Variants in CFAP299 observed in about 807,000 individuals in gnomAD.
The protein encoded by CFAP299 is cilia- and flagella-associated protein 299.
Under a neutral mutation model 27.0 loss-of-function variants are expected in CFAP299, and 21 were observed. The observed-to-expected ratio is 0.78, with a 90% CI of 0.55 to 1.12. The LOEUF is 1.12. Ranked by LOEUF, CFAP299 falls within the 50% of genes most tolerant of loss-of-function variation. The pLI is 0.00. For missense variants in CFAP299, 310 were observed against 276.6 expected (o/e 1.12, Z -0.86); for synonymous variants, 104 against 98.1 (o/e 1.06, Z -0.36).
chr4:80,871,374 A>G, intron 4 of CFAP299: 1 of 985,410 alleles, frequency 1.0e-6, no homozygotes, highest in Non-Finnish European at 1.2e-6. Context: ...TTTTCACTGC[A>G]CTTGTAGCTA....
At chr4:80,692,026 T>C (rs1720741127) in intron 3 of CFAP299, among the ~76,000 whole-genome samples, 1 of 152,064 alleles carries the variant, frequency 6.6e-6, no homozygotes, top group Non-Finnish European at 1.5e-5. Flanking sequence ...TACAAACCAC[T>C]GCTCAAGGAA....
chr4:80,483,868 G>C (rs1036851756), intron 2 of CFAP299, among the ~76,000 whole-genome samples: 1 of 151,954 alleles, frequency 6.6e-6, no homozygotes, highest in African/African-American at 2.4e-5. Context: ...TTAAACTTTC[G>C]AATTGCTATT....
chr4:80,485,310 A>C (rs1330801729), intron 2 of CFAP299, among the ~76,000 whole-genome samples: 3 of 150,780 alleles, frequency 2.0e-5, no homozygotes, highest in Non-Finnish European at 4.4e-5. Flanking sequence ...ATAAAAGAAG[A>C]AGCAATCAGA....
At chr4:80,692,354 T>C (rs1344642809) in intron 3 of CFAP299, among the ~76,000 whole-genome samples, 1 of 151,576 alleles carries the variant, frequency 6.6e-6, no homozygotes, top group South Asian at 2.1e-4. Context: ...GAGATATAGA[T>C]CAATGGAACA....
chr4:80,778,471 G>T (rs982246416), intron 3 of CFAP299, among the ~76,000 whole-genome samples: 1 of 152,068 alleles, frequency 6.6e-6, no homozygotes, highest in Non-Finnish European at 1.5e-5. Context: ...TGGAATTTTA[G>T]AATCTTTCCT....
intron 2 of CFAP299, among the ~76,000 whole-genome samples, chr4:80,522,108 T>C (rs1732947540): frequency 6.6e-6 from 1 of 152,078 alleles, no homozygotes; most frequent in Admixed American, 6.6e-5. Flanking sequence ...GTTCCAAGTA[T>C]TCTACGTCTT....
At position 80,734,097 on chromosome 4, in the gene CFAP299, G is replaced by T. The variant is rs1252613956; in HGVS notation, c.334-135896G>T. On this transcript the variant is annotated intron_variant, in intron 3 of 5. Coordinates refer to ENST00000358105, the MANE Select transcript of CFAP299 (RefSeq NM_152770.3). ...ATATTCCCACCAACAGTGGATGAGG[G>T]TTTCCTTTTCTCCACATCCTCACCA... Among the ~76,000 whole-genome samples the T allele has an allele frequency of 3.9e-5, 6 of 152,220 alleles. No homozygotes were observed. The East Asian group carries it at 1.2e-3, about 29-fold the overall frequency.
chr4:80,522,476 C>T (rs1732971651), intron 2 of CFAP299, among the ~76,000 whole-genome samples: 2 of 152,098 alleles, frequency 1.3e-5, no homozygotes, highest in Middle Eastern at 3.4e-3. Flanking sequence ...GTTGATGGTT[C>T]CCTTGGCTGC....
intron 2 of CFAP299, chr4:80,388,504 G>A (rs1725150378): frequency 7.1e-7 from 1 of 1,411,802 alleles, no homozygotes; most frequent in South Asian, 1.2e-5. Flanking sequence ...GTTCCCGCTT[G>A]TGGGTCATAA....
At chr4:80,341,001 C>T (rs551400316) in intron 1 of CFAP299, among the ~76,000 whole-genome samples, 25 of 152,238 alleles carry the variant, frequency 1.6e-4, no homozygotes, top group Admixed American at 1.5e-3. Flanking sequence ...GTCTTGAACT[C>T]CTGACCTCAG....
chr4:80,783,368 TG>T lies in CFAP299; in HGVS notation c.334-86620del, dbSNP rs571577720. 2.6e-3 allele frequency among the ~76,000 whole-genome samples: 390 copies of T among 152,228 alleles called. 1 individual carries two copies. Among genetic ancestry groups the T allele is most frequent in the African/African-American group, 9.1e-3 (376 of 41,540 alleles). On this transcript the variant is annotated intron_variant, in intron 3 of 5. Transcript: ENST00000358105. ...AGGCAGGGACCATTGGGGGCCATTT[TG>T]GGGGCTGGCTACCATACGAGGCACC...
intron 4 of CFAP299, among the ~76,000 whole-genome samples, chr4:80,922,948 AAGAG>A (rs1390596423): frequency 6.6e-6 from 1 of 151,590 alleles, no homozygotes; most frequent in African/African-American, 2.4e-5. Flanking sequence ...ATATATTTGA[AAGAG>A]AGAATGATAA....
chr4:80,883,181 A>C (rs1733797683), intron 4 of CFAP299, among the ~76,000 whole-genome samples: 1 of 152,168 alleles, frequency 6.6e-6, no homozygotes, highest in Non-Finnish European at 1.5e-5. Context: ...AAAAGTTGAG[A>C]GTTTTTGTAT....
intron 4 of CFAP299, among the ~76,000 whole-genome samples, chr4:80,880,753 A>AAAATAAAATT (rs1553902766): frequency 2.7e-5 from 4 of 147,992 alleles, no homozygotes; most frequent in African/African-American, 9.9e-5. Flanking sequence ...AAAATAAAAT[A>AAAATAAAATT]AAATTAAATT....
chr4:80,855,802 A>C (rs549587859), intron 3 of CFAP299, among the ~76,000 whole-genome samples: 31 of 152,142 alleles, frequency 2.0e-4, no homozygotes, highest in Middle Eastern at 3.4e-3. Context: ...AATCCAGTCT[A>C]TCATTGTTGG....
At position 80,837,870 on chromosome 4, in the gene CFAP299, A is replaced by T. The variant is rs553806210; in HGVS notation, c.334-32123A>T. The stretch of plus-strand genomic sequence containing the variant: ...TCCTGTCTTCCACAATGGTTAAACT[A>T]ATTTACACTCCCACCAACAGTGTAA... On this transcript the variant is annotated intron_variant, in intron 3 of 5. Transcript: ENST00000358105. 2.3e-4 allele frequency among the ~76,000 whole-genome samples: 35 copies of T among 152,308 alleles called. No individual in the cohort carries two copies. The South Asian group carries it at 7.3e-3, about 32-fold the overall frequency.
chr4:80,338,198 A>G (rs1265531681), intron 1 of CFAP299, among the ~76,000 whole-genome samples: 1 of 152,234 alleles, frequency 6.6e-6, no homozygotes. Flanking sequence ...GTCGATATTT[A>G]TCATATACAA....
At chr4:80,647,847 G>A (rs1740103236) in intron 3 of CFAP299, among the ~76,000 whole-genome samples, 1 of 152,178 alleles carries the variant, frequency 6.6e-6, no homozygotes, top group Non-Finnish European at 1.5e-5. Context: ...CCCAAGGTGG[G>A]CGGATCACCT....
intron 2 of CFAP299, chr4:80,420,380 T>C (rs1456630286): frequency 6.6e-6 from 2 of 302,142 alleles, no homozygotes; most frequent in Non-Finnish European, 6.8e-6. Context: ...TCTCAAAATA[T>C]GTCAAGGAAG....
Sources: gnomAD v4.1 joint callset for allele counts (sites outside exome capture counted in the v4.1 genomes callset) on GRCh38, gnomAD v4.1.1 for gene constraint, MANE v1.5 for transcripts, NCBI Gene and HGNC (gene_info 2026-07-23, HGNC 2026-07-21) for gene names.